Variants in WASHC2A observed in about 807,000 individuals in gnomAD.
The protein encoded by WASHC2A is WASH complex subunit 2A.
WASHC2A carries 82 observed loss-of-function variants against 140.3 expected under a neutral mutation model. The observed-to-expected ratio is 0.58, with a 90% CI of 0.49 to 0.70. WASHC2A has a LOEUF of 0.70. Among genes scored for constraint, WASHC2A ranks in the 30% least tolerant of loss-of-function variants. The pLI is 0.00. For synonymous variants in WASHC2A, 340 were observed against 560.8 expected (o/e 0.61, Z 5.56); for missense variants, 985 against 1,521.8 (o/e 0.65, Z 5.87).
chr10:50,108,868 C>G (rs1589246541), intron 19 of WASHC2A, among the ~76,000 whole-genome samples: 1 of 89,182 alleles, frequency 1.1e-5, no homozygotes, highest in Non-Finnish European at 2.0e-5. Flanking sequence ...GGCCACAGAG[C>G]AAGACTCTGT....
At chr10:50,124,302 C>T (rs1843235480) in intron 23 of WASHC2A, among the ~76,000 whole-genome samples, 1 of 151,548 alleles carries the variant, frequency 6.6e-6, no homozygotes, top group Non-Finnish European at 1.5e-5. Context: ...TGGGGTTTCA[C>T]CACATTGGCC....
At chr10:50,127,067 GTT>G (rs1843497864) in intron 26 of WASHC2A, 91 bp from the exon 27 acceptor site, 1 of 1,401,360 alleles carries the variant, frequency 7.1e-7, no homozygotes, top group South Asian at 1.2e-5. Flanking sequence ...GAAAGTGACA[GTT>G]TTGCTCCATC....
chr10:50,123,211 CAT>C (rs1377962820), intron 23 of WASHC2A, among the ~76,000 whole-genome samples: 2 of 121,132 alleles, frequency 1.7e-5, no homozygotes, highest in African/African-American at 6.2e-5. Flanking sequence ...ATTCTTATAA[CAT>C]AAAGCTACCA....
chr10:50,127,340 C>T, intron 27 of WASHC2A, 118 bp downstream of exon 27: 1 of 1,583,084 alleles, frequency 6.3e-7, no homozygotes, highest in South Asian at 1.1e-5. Flanking sequence ...CGCCTCCCCT[C>T]CCCTGCACCT....
chr10:50,081,879 T>G (rs1186207129), intron 5 of WASHC2A, among the ~76,000 whole-genome samples: 4 of 152,106 alleles, frequency 2.6e-5, no homozygotes, highest in African/African-American at 7.2e-5. Flanking sequence ...GTGATCCGCC[T>G]GCCTTGGCCT....
In WASHC2A at chr10:50,087,285, A is replaced by G. The variant is rs200829703; in HGVS notation, c.695A>G (p.Glu232Gly). Residue 232 changes from glutamate to glycine, a missense_variant, in exon 8 of 31, where the codon GAA becomes GGA. Glu to Gly is a moderately conservative substitution (Grantham distance 98). Transcript: ENST00000282633. ...TTCTTCCCCACAAAGGAGTCAGATG[A>G]AGATTTTGCCCATCATAGTGACAAT... ...EEEKEEEESD[E>G]DFAHHSDNEQ... 1.3e-4 allele frequency: 207 copies of G among 1,613,990 alleles called. No individual in the cohort carries two copies. In the African/African-American group the frequency reaches 2.6e-3, roughly 20 times the overall value.
At chr10:50,076,373 T>C (rs1838314033) in intron 3 of WASHC2A, among the ~76,000 whole-genome samples, 1 of 152,260 alleles carries the variant, frequency 6.6e-6, no homozygotes, top group South Asian at 2.1e-4. Context: ...CTGGAAATCA[T>C]GATACCATGA....
At position 50,106,339 on chromosome 10, in the gene WASHC2A, T is replaced by C. The variant is rs1385733081; in HGVS notation, c.1743T>C (p.Asn581=). 7 of 1,611,766 alleles carry C rather than the reference T, an allele frequency of 4.3e-6. No individual in the cohort carries two copies. The Admixed American group carries it at 6.7e-5, about 15-fold the overall frequency. ...TCTGCCATTTGCTTTTCTAGGATAA[T>C]CTTTTTGGGGGTACAGCTGCTAAGA... The part of the protein sequence containing the change: ...SLFDDEDEED[N]LFGGTAAKKQ... Residue 581 remains asparagine, a synonymous_variant, in exon 19 of 31, where the codon AAT becomes AAC. Transcript: ENST00000282633.
At chr10:50,090,513 A>AT (rs1222938483) in intron 8 of WASHC2A, among the ~76,000 whole-genome samples, 8,419 of 68,084 alleles carry the variant, frequency 0.12, 825 homozygotes, top group African/African-American at 0.28. Flanking sequence ...AAAAAAAAAA[A>AT]AAATATATAT....
chr10:50,076,970 G>C (rs1231205407), intron 3 of WASHC2A, among the ~76,000 whole-genome samples: 5 of 149,870 alleles, frequency 3.3e-5, no homozygotes, highest in African/African-American at 1.3e-4. Context: ...AAAAAAATTA[G>C]CTGGGCATGG....
At chr10:50,132,711 C>T (rs1844088037) in intron 30 of WASHC2A, 95 bp from the exon 31 acceptor site, 1 of 1,611,122 alleles carries the variant, frequency 6.2e-7, no homozygotes, top group Non-Finnish European at 8.5e-7. Flanking sequence ...CATGCTGTTA[C>T]CAGAGCTGGG....
chr10:50,103,598 G>A (rs1841453380), intron 17 of WASHC2A, among the ~76,000 whole-genome samples: 1 of 151,598 alleles, frequency 6.6e-6, no homozygotes, highest in Non-Finnish European at 1.5e-5. Context: ...TCTTAGGGGA[G>A]GAGGGTGTTA....
intron 25 of WASHC2A, 23 bp downstream of exon 25, chr10:50,125,472 A>G: frequency 6.2e-7 from 1 of 1,604,896 alleles, no homozygotes; most frequent in Non-Finnish European, 8.5e-7. Context: ...TGTTCTCAAT[A>G]CTGGGTTGTG....
intron 26 of WASHC2A, chr10:50,126,481 C>T (rs1843441047): frequency 4.1e-6 from 1 of 241,474 alleles, no homozygotes; most frequent in Non-Finnish European, 8.1e-6. Flanking sequence ...TTTATTTCTC[C>T]CTCTGGATTT....
chr10:50,117,621 C>A (rs1842771752), intron 21 of WASHC2A, among the ~76,000 whole-genome samples: 1 of 149,220 alleles, frequency 6.7e-6, no homozygotes, highest in African/African-American at 2.4e-5. Flanking sequence ...TCATAATCGT[C>A]TGGTGGCAGA....
intron 24 of WASHC2A, 60 bp downstream of exon 24, chr10:50,125,301 A>C: frequency 6.3e-7 from 1 of 1,594,082 alleles, no homozygotes; most frequent in East Asian, 2.2e-5. Flanking sequence ...CTGTCTCAAC[A>C]GCTCACCTAG....
chr10:50,088,958 CTTTTTTTTTTT>C (rs1210204220), intron 8 of WASHC2A, among the ~76,000 whole-genome samples: 50 of 41,376 alleles, frequency 1.2e-3, no homozygotes, highest in African/African-American at 4.3e-3. Context: ...TTTTTCTTTC[CTTTTTTTTTTT>C]TTTTTTTTTT....
chr10:50,099,000 C>G (rs1375494727), intron 16 of WASHC2A, among the ~76,000 whole-genome samples: 1 of 152,046 alleles, frequency 6.6e-6, no homozygotes, highest in Non-Finnish European at 1.5e-5. Context: ...AAGTTGATCT[C>G]TAAAGCGATA....
intron 28 of WASHC2A, among the ~76,000 whole-genome samples, chr10:50,128,189 A>G (rs1211810795): frequency 5.9e-5 from 9 of 151,262 alleles, no homozygotes; most frequent in Non-Finnish European, 1.2e-4. Context: ...CCCCTTTGCA[A>G]TCGGTGCCAG....
Sources: allele counts gnomAD v4.1 joint callset (sites outside exome capture counted in the v4.1 genomes callset), GRCh38; gene constraint gnomAD v4.1.1; transcripts MANE v1.5; gene names NCBI Gene and HGNC (gene_info 2026-07-23, HGNC 2026-07-21).